Variants in HAUS1 observed in about 807,000 individuals in gnomAD.
HAUS1 encodes HAUS augmin-like complex subunit 1.
Under a neutral mutation model 38.6 loss-of-function variants are expected in HAUS1, and 25 were observed. The ratio of observed to expected loss-of-function variants is 0.65; its 90% CI spans 0.47 to 0.91. The LOEUF (loss-of-function observed/expected upper bound fraction) is 0.91, where lower values mean the gene tolerates loss of function less well. Ranked by LOEUF, HAUS1 falls within the 40% of genes least tolerant of loss-of-function variation. The pLI, the probability that HAUS1 is intolerant of heterozygous loss-of-function variation, is 0.00. For synonymous variants in HAUS1, 109 were observed against 112.9 expected (o/e 0.97, Z 0.22); for missense variants, 325 against 328.4 (o/e 0.99, Z 0.08).
intron 2 of HAUS1, chr18:46,115,275 A>C (rs957767908): frequency 2.6e-5 from 4 of 152,116 alleles, no homozygotes; most frequent in Admixed American, 2.0e-4. Flanking sequence ...GCTTTGCCAA[A>C]TGGCGAAACC....
intron 6 of HAUS1, 98 bp from the exon 7 acceptor site, chr18:46,124,724 A>C: frequency 1.5e-6 from 1 of 650,496 alleles, no homozygotes; most frequent in Admixed American, 2.6e-5. Flanking sequence ...AAAATATACT[A>C]ATGTTAATGC....
chr18:46,125,878 T>G, intron 8 of HAUS1, 87 bp downstream of exon 8: 1 of 821,116 alleles, frequency 1.2e-6, no homozygotes, highest in South Asian at 1.6e-5. Flanking sequence ...CTTCTTTCCT[T>G]TCTCCTCAGT....
intron 2 of HAUS1, chr18:46,115,190 G>A (rs1220051293): frequency 3.3e-5 from 5 of 152,106 alleles, no homozygotes; most frequent in African/African-American, 1.2e-4. Flanking sequence ...GCCTAAAAAG[G>A]CCAGGCACGG....
intron 2 of HAUS1, among the ~76,000 whole-genome samples, chr18:46,113,547 T>G (rs1290604822): frequency 6.6e-6 from 1 of 152,126 alleles, no homozygotes; most frequent in Non-Finnish European, 1.5e-5. Context: ...TGATGCAACA[T>G]TGTCATCTTA....
At chr18:46,105,867 C>T (rs916655888) in intron 2 of HAUS1, among the ~76,000 whole-genome samples, 1 of 152,132 alleles carries the variant, frequency 6.6e-6, no homozygotes, top group Non-Finnish European at 1.5e-5. Context: ...AGGCATGAGC[C>T]ACCCTGCCTG....
chr18:46,113,808 GTTA>G (rs1911736134), intron 2 of HAUS1, among the ~76,000 whole-genome samples: 1 of 152,038 alleles, frequency 6.6e-6, no homozygotes, highest in African/African-American at 2.4e-5. Flanking sequence ...ACTTCCTCCT[GTTA>G]TTGTTATTGG....
chr18:46,105,421 T>C (rs768534474), intron 2 of HAUS1, 53 bp downstream of exon 2: 3 of 1,472,142 alleles, frequency 2.0e-6, no homozygotes, highest in Admixed American at 2.0e-5. Context: ...AACCAAATTT[T>C]ATAACACTAA....
At chr18:46,116,108 AAAGGG>A (rs371385737) in intron 2 of HAUS1, among the ~76,000 whole-genome samples, 2 of 152,040 alleles carry the variant, frequency 1.3e-5, no homozygotes, top group Non-Finnish European at 2.9e-5. Context: ...TGTCTCAGAA[AAAGGG>A]AAGGGAAGGG....
chr18:46,121,169 T>A (rs1297205643), intron 4 of HAUS1, among the ~76,000 whole-genome samples: 1 of 152,086 alleles, frequency 6.6e-6, no homozygotes, highest in Admixed American at 6.6e-5. Context: ...CGTTTATTTT[T>A]ATTTATTTAT....
Position 46,123,358 on chromosome 18 carries a change from A to G in HAUS1, c.660A>G (p.Leu220=), listed in dbSNP as rs545741771. Residue 220 remains leucine (L), a synonymous_variant, in exon 6 of 9, where the codon CTA becomes CTG. Coordinates refer to ENST00000282058, the MANE Select transcript of HAUS1 (RefSeq NM_138443.4). Reference sequence around the variant, plus strand: ...TGTCTCATCAGTCCTTAGTAGCACTATCAGAGGTGAGCTTATTTTAACCTA... The same window carrying G: ...TGTCTCATCAGTCCTTAGTAGCACTGTCAGAGGTGAGCTTATTTTAACCTA... ...ASLSHQSLVA[L]SEKLARLKQQ... The G allele has an allele frequency of 6.2e-6, 10 of 1,602,748 alleles. No individual in the cohort carries two copies. The South Asian group carries it at 9.0e-5, about 14-fold the overall frequency.
At chr18:46,113,865 T>TAAAATAA (rs1180137359) in intron 2 of HAUS1, among the ~76,000 whole-genome samples, 2 of 152,176 alleles carry the variant, frequency 1.3e-5, no homozygotes, top group Non-Finnish European at 2.9e-5. Context: ...ATGAAGTCTG[T>TAAAATAA]TTATCCCCAA....
At chr18:46,124,689 A>C in intron 6 of HAUS1, 133 bp from the exon 7 acceptor site, 1 of 516,046 alleles carries the variant, frequency 1.9e-6, no homozygotes, top group East Asian at 3.0e-5. Context: ...CTATCTTTGA[A>C]GCTTTTTATT....
At position 46,105,226 on chromosome 18, in the gene HAUS1, T is replaced by C. The variant is rs201685109; in HGVS notation, c.63T>C (p.Asp21=). 5.7e-4 allele frequency: 922 copies of C among 1,610,702 alleles called. 11 individuals are homozygous for C. In the East Asian group the frequency reaches 0.016, roughly 28 times the overall value. The change falls in exon 2 of 9, where the codon GAT becomes GAC. Residue 21 remains aspartate (D), a synonymous_variant. Coordinates refer to ENST00000282058, the MANE Select transcript of HAUS1 (RefSeq NM_138443.4). ...CGTGGTTAAAAAAAATATTTGGAGA[T>C]CATCCTATTCCACAGTATGAGGTGA... ...VAAWLKKIFG[D]HPIPQYEVNP...
At position 46,118,225 on chromosome 18, in the gene HAUS1, C is replaced by G; in HGVS notation, c.250C>G (p.Pro84Ala). 1 of 1,612,178 alleles carries G rather than the reference C, an allele frequency of 6.2e-7. No homozygotes were observed. The highest frequency in any genetic ancestry group is 8.5e-7 in the Non-Finnish European group (1 of 1,179,848). The change falls in exon 3 of 9, where the codon CCC becomes GCC. Residue 84 changes from proline to alanine, a missense_variant. By Grantham distance (27) the Pro-to-Ala change is conservative. Transcript: ENST00000282058. ...TCTCATGGAGAGTGTGAATTTTTCC[C>G]CCGCCAATCTCTCTAGCACTGGTTC... ...DLLMESVNFS[P>A]ANLSSTGSRY...
chr18:46,108,271 C>CTT (rs1166729740), intron 2 of HAUS1, among the ~76,000 whole-genome samples: 2,891 of 115,176 alleles, frequency 0.025, 49 homozygotes, highest in Non-Finnish European at 0.038. Flanking sequence ...GAATTTACTT[C>CTT]TTTTTTTTTT....
chr18:46,104,421 CAGG>C lies in HAUS1; in HGVS notation c.16_18del (p.Glu6del), dbSNP rs763004423. 20 of 1,464,162 alleles carry C rather than the reference CAGG, an allele frequency of 1.4e-5. No individual in the cohort carries two copies. The highest frequency in any genetic ancestry group is 5.7e-5 in the East Asian group (2 of 34,988). The allele number at this position is 1,464,162 out of a possible 1,614,324, so 90.7% of individuals were successfully genotyped here. ...GGCGGGAGCCGCAGCTATGGAGCCGCAGGAGGAGAGAGAAACGCAGGTGATGGG... is the reference window on the plus strand; with the variant it reads ...GGCGGGAGCCGCAGCTATGGAGCCGCAGGAGAGAGAAACGCAGGTGATGGG... On this transcript the variant is annotated inframe_deletion, in exon 1 of 9. Transcript: ENST00000282058.
chr18:46,110,710 G>C (rs758799580), intron 2 of HAUS1, among the ~76,000 whole-genome samples: 8 of 151,896 alleles, frequency 5.3e-5, no homozygotes, highest in Non-Finnish European at 1.2e-4. Context: ...TTTAAAGGTA[G>C]TTTTGCTAGG....
Position 46,128,066 on chromosome 18 carries a change from T to C in HAUS1, c.787-9T>C. ...TGTCCTTATCTATGGTATGTCTTTC[T>C]TCCTGTAGGATAGCATTGAAGCTGA... is the stretch of plus-strand genomic sequence containing the variant. On this transcript the variant is annotated splice_polypyrimidine_tract_variant and intron_variant, in intron 8 of 8. Coordinates refer to ENST00000282058, the MANE Select transcript of HAUS1 (RefSeq NM_138443.4). 1 of 1,547,536 alleles carries C rather than the reference T, an allele frequency of 6.5e-7. No individual in the cohort carries two copies. The highest frequency in any genetic ancestry group is 8.7e-7 in the Non-Finnish European group (1 of 1,143,582).
chr18:46,122,040 C>A (rs1384988486), intron 4 of HAUS1, among the ~76,000 whole-genome samples: 1 of 152,096 alleles, frequency 6.6e-6, no homozygotes, highest in East Asian at 1.9e-4. Context: ...CAGGGTTTCA[C>A]CATGTTGGCC....
Sources: gnomAD v4.1 joint callset for allele counts (sites outside exome capture counted in the v4.1 genomes callset) on GRCh38, gnomAD v4.1.1 for gene constraint, MANE v1.5 for transcripts, NCBI Gene and HGNC (gene_info 2026-07-23, HGNC 2026-07-21) for gene names.